ZNF277: variants seen among roughly 807,000 people sequenced by gnomAD.
ZNF277 encodes the protein nuclear receptor-interacting factor 4.
In ZNF277, 55 loss-of-function variants were observed where a neutral mutation model predicts 60.7. The observed-to-expected ratio is 0.91, with a 90% CI of 0.73 to 1.13. The LOEUF (loss-of-function observed/expected upper bound fraction) is 1.13, where lower values mean the gene tolerates loss of function less well. ZNF277 is among the 50% of genes most tolerant of loss of function. The pLI is 0.00. For synonymous variants in ZNF277, 178 were observed against 179.3 expected (o/e 0.99, Z 0.06); for missense variants, 510 against 523.0 (o/e 0.98, Z 0.24).
intron 4 of ZNF277, among the ~76,000 whole-genome samples, chr7:112,299,510 G>A (rs1408869526): frequency 6.6e-6 from 1 of 152,174 alleles, no homozygotes; most frequent in African/African-American, 2.4e-5. Flanking sequence ...GGCCCATAGT[G>A]TGCAAGAACT....
intron 1 of ZNF277, among the ~76,000 whole-genome samples, chr7:112,242,507 A>G (rs1563201833): frequency 6.6e-6 from 1 of 151,370 alleles, no homozygotes; most frequent in Non-Finnish European, 1.5e-5. Context: ...CATCAATAAC[A>G]GTCAAGCTGA....
intron 4 of ZNF277, among the ~76,000 whole-genome samples, chr7:112,315,457 T>C (rs1490145339): frequency 6.6e-6 from 1 of 151,698 alleles, no homozygotes; most frequent in Non-Finnish European, 1.5e-5. Context: ...GAGATAAACA[T>C]AGATGGCCAT....
chr7:112,335,766 A>G (rs1793317316), intron 7 of ZNF277, among the ~76,000 whole-genome samples: 1 of 152,214 alleles, frequency 6.6e-6, no homozygotes, highest in Non-Finnish European at 1.5e-5. Context: ...AGGCCATTAG[A>G]ATCCCAGATA....
intron 1 of ZNF277, among the ~76,000 whole-genome samples, chr7:112,207,702 G>A (rs1046750819): frequency 1.3e-5 from 2 of 149,612 alleles, no homozygotes; most frequent in East Asian, 2.0e-4. Context: ...GTCTTTTTCT[G>A]ATGAACATGG....
intron 4 of ZNF277, among the ~76,000 whole-genome samples, chr7:112,315,341 T>A (rs2117106958): frequency 6.6e-6 from 1 of 152,158 alleles, no homozygotes; most frequent in East Asian, 1.9e-4. Context: ...GAACGGAAGG[T>A]CTAAACAGAG....
At chr7:112,302,949 C>CTTTTTTTTTTTTT (rs34593342) in intron 4 of ZNF277, among the ~76,000 whole-genome samples, 1 of 132,898 alleles carries the variant, frequency 7.5e-6, no homozygotes, top group African/African-American at 2.9e-5. Context: ...GCAAATAGGC[C>CTTTTTTTTTTTTT]TTTTTTTTTT....
intron 1 of ZNF277, among the ~76,000 whole-genome samples, chr7:112,231,350 G>T (rs1228616118): frequency 2.0e-5 from 3 of 152,186 alleles, no homozygotes; most frequent in African/African-American, 4.8e-5. Context: ...ATGCTGGTTT[G>T]TCACTATAAT....
At chr7:112,288,137 A>C (rs528237609) in intron 2 of ZNF277, 2 of 152,306 alleles carry the variant, frequency 1.3e-5, no homozygotes, top group South Asian at 4.1e-4. Flanking sequence ...AGCCAAAAGG[A>C]TATTGCCCAA....
At chr7:112,299,906 C>G (rs953350603) in intron 4 of ZNF277, among the ~76,000 whole-genome samples, 1 of 152,164 alleles carries the variant, frequency 6.6e-6, no homozygotes, top group African/African-American at 2.4e-5. Context: ...AATATTTATT[C>G]TTTCATGTGG....
At chr7:112,298,925 T>A (rs1792412810) in intron 4 of ZNF277, among the ~76,000 whole-genome samples, 1 of 152,184 alleles carries the variant, frequency 6.6e-6, no homozygotes, top group South Asian at 2.1e-4. Context: ...GCCTCTCATG[T>A]GTCTGGTACT....
At chr7:112,324,213 C>T (rs1793049158) in intron 5 of ZNF277, among the ~76,000 whole-genome samples, 2 of 152,124 alleles carry the variant, frequency 1.3e-5, no homozygotes, top group African/African-American at 2.4e-5. Flanking sequence ...TTACATTAGC[C>T]TACAGATAGG....
At chr7:112,327,690 A>G in intron 5 of ZNF277, 27 bp from the exon 6 acceptor site, 1 of 1,561,882 alleles carries the variant, frequency 6.4e-7, no homozygotes, top group South Asian at 1.1e-5. Context: ...TTTGTGAATA[A>G]TCCTAATTGC....
chr7:112,261,034 A>C (rs946677152), intron 1 of ZNF277, among the ~76,000 whole-genome samples: 1 of 152,356 alleles, frequency 6.6e-6, no homozygotes, highest in African/African-American at 2.4e-5. Flanking sequence ...ACCCTTAATT[A>C]GTTTCTATTA....
chr7:112,342,661 A>G lies in ZNF277; in HGVS notation c.1285A>G (p.Ile429Val). The change falls in exon 12 of 12, where the codon ATC becomes GTC. Residue 429 changes from isoleucine (I) to valine (V), a missense_variant. Coordinates refer to ENST00000361822, the MANE Select transcript of ZNF277 (RefSeq NM_021994.3). ...AQEQNENVPI[I>V]SEDTSKLYAL... Reference sequence around the variant, plus strand: ...GGAACAAAATGAAAATGTTCCCATCATCAGTGAAGATACATCTAAACTGTA... The same window carrying G: ...GGAACAAAATGAAAATGTTCCCATCGTCAGTGAAGATACATCTAAACTGTA... 3 of 1,612,606 alleles carry G rather than the reference A, an allele frequency of 1.9e-6. No homozygotes were observed. The highest frequency in any genetic ancestry group is 2.5e-6 in the Non-Finnish European group (3 of 1,179,824).
At position 112,339,869 on chromosome 7, in the gene ZNF277, A is replaced by T; in HGVS notation, c.993A>T (p.Lys331Asn). 6.2e-7 allele frequency: 1 copy of T among 1,611,438 alleles called. No homozygotes were observed. The highest frequency in any genetic ancestry group is 8.5e-7 in the Non-Finnish European group (1 of 1,179,934). Residue 331 changes from lysine to asparagine, a missense_variant, in exon 10 of 12, where the codon AAA (lysine) becomes AAT (asparagine). Coordinates refer to ENST00000361822, the MANE Select transcript of ZNF277 (RefSeq NM_021994.3). ...ATGCACACGAATTTGATCTTCTCAA[A>T]ATAAAGTCAGAACTTGGTAAGTTTG... ...MEDAHEFDLL[K>N]IKSELGLNFY...
At chr7:112,228,431 G>A (rs1267157892) in intron 1 of ZNF277, among the ~76,000 whole-genome samples, 2 of 106,620 alleles carry the variant, frequency 1.9e-5, no homozygotes, top group Non-Finnish European at 3.6e-5. Context: ...GTGAATGCAT[G>A]TTCTTTCTGG....
chr7:112,338,517 A>G (rs1023536677), intron 9 of ZNF277, among the ~76,000 whole-genome samples: 11 of 152,240 alleles, frequency 7.2e-5, no homozygotes, highest in African/African-American at 2.4e-4. Context: ...TTACTGGATG[A>G]TTCTGATATC....
intron 1 of ZNF277, among the ~76,000 whole-genome samples, chr7:112,263,713 G>T (rs926723867): frequency 2.6e-5 from 4 of 152,220 alleles, no homozygotes; most frequent in Non-Finnish European, 5.9e-5. Flanking sequence ...TGCAGTATTT[G>T]TCTCAGTTGT....
chr7:112,323,308 G>T (rs766155575), intron 5 of ZNF277, among the ~76,000 whole-genome samples: 1 of 152,178 alleles, frequency 6.6e-6, no homozygotes, highest in Non-Finnish European at 1.5e-5. Flanking sequence ...TTGGCCTATT[G>T]TTTGCTGCAA....
Sources: gnomAD v4.1 joint callset for allele counts (sites outside exome capture counted in the v4.1 genomes callset) on GRCh38, gnomAD v4.1.1 for gene constraint, MANE v1.5 for transcripts, NCBI Gene and HGNC (gene_info 2026-07-23, HGNC 2026-07-21) for gene names.